Variants in RYR3 observed in about 807,000 individuals in gnomAD.
The protein encoded by RYR3 is ryanodine receptor 3.
Under a neutral mutation model 584.3 loss-of-function variants are expected in RYR3, and 207 were observed. That is an observed-to-expected ratio of 0.35 (90% confidence interval 0.32 to 0.40). The LOEUF (loss-of-function observed/expected upper bound fraction) is 0.40. Among genes scored for constraint, RYR3 ranks in the 10% least tolerant of loss-of-function variants. The pLI, the probability that RYR3 is intolerant of heterozygous loss-of-function variation, is 1.00. For missense variants in RYR3, 5,616 were observed against 6,089.2 expected (o/e 0.92, Z 2.59); for synonymous variants, 2,416 against 2,248.5 (o/e 1.07, Z -2.11).
chr15:33,435,425 T>A (rs1320729843), intron 1 of RYR3, among the ~76,000 whole-genome samples: 3 of 152,222 alleles, frequency 2.0e-5, no homozygotes, highest in Non-Finnish European at 2.9e-5. Context: ...CATTATGCTT[T>A]TTTCCAGTCA....
At chr15:33,865,062 CA>C (rs1890019807) in intron 103 of RYR3, 68 bp from the exon 104 acceptor site, 21 of 1,284,084 alleles carry the variant, frequency 1.6e-5, no homozygotes, top group Non-Finnish European at 2.4e-5. Context: ...CCACAAAGAA[CA>C]AAAACAAACT....
At chr15:33,847,278 A>C (rs539648253) in intron 93 of RYR3, 1 of 152,310 alleles carries the variant, frequency 6.6e-6, no homozygotes, top group African/African-American at 2.4e-5. Context: ...TTAAAGAAAA[A>C]CAGGGCAAGA....
At chr15:33,394,912 T>C (rs2141315004) in intron 1 of RYR3, among the ~76,000 whole-genome samples, 2 of 152,174 alleles carry the variant, frequency 1.3e-5, no homozygotes, top group East Asian at 3.9e-4. Flanking sequence ...GGACATACAG[T>C]ATAATGCCAG....
chr15:33,574,386 A>T (rs558520994), intron 12 of RYR3, among the ~76,000 whole-genome samples: 10 of 152,324 alleles, frequency 6.6e-5, no homozygotes, highest in African/African-American at 2.4e-4. Flanking sequence ...GGGAAGTTCT[A>T]TCAAATTGAG....
At chr15:33,695,948 T>A (rs933190952) in intron 38 of RYR3, among the ~76,000 whole-genome samples, 19 of 54,438 alleles carry the variant, frequency 3.5e-4, no homozygotes, top group Non-Finnish European at 6.9e-4. Context: ...CACACCCAGC[T>A]TTTTTTTTTT....
intron 1 of RYR3, among the ~76,000 whole-genome samples, chr15:33,393,497 A>G (rs190915519): frequency 2.4e-4 from 36 of 152,308 alleles, no homozygotes; most frequent in African/African-American, 8.4e-4. Context: ...CTCATATTAA[A>G]AAATAGGGGG....
chr15:33,446,419 G>A (rs1349815718), intron 1 of RYR3, among the ~76,000 whole-genome samples: 1 of 152,114 alleles, frequency 6.6e-6, no homozygotes, highest in Non-Finnish European at 1.5e-5. Context: ...AGATTGGGTG[G>A]CTTAACAGAA....
chr15:33,723,029 A>G (rs2068067032), intron 44 of RYR3, 134 bp downstream of exon 44: 1 of 785,456 alleles, frequency 1.3e-6, no homozygotes, highest in Non-Finnish European at 2.0e-6. Flanking sequence ...TTGACCCTTC[A>G]TCGAGAACAG....
chr15:33,796,643 C>G (rs1365555039), intron 67 of RYR3, among the ~76,000 whole-genome samples: 1 of 152,174 alleles, frequency 6.6e-6, no homozygotes, highest in East Asian at 1.9e-4. Context: ...AAAGTCTGGA[C>G]TTTTAGCATG....
chr15:33,795,176 C>T (rs1340478986), intron 67 of RYR3, among the ~76,000 whole-genome samples: 1 of 152,014 alleles, frequency 6.6e-6, no homozygotes, highest in Non-Finnish European at 1.5e-5. Context: ...CTGTTTTCTG[C>T]CCTGCCACAG....
At chr15:33,795,680 C>G (rs1403525159) in intron 67 of RYR3, among the ~76,000 whole-genome samples, 1 of 152,100 alleles carries the variant, frequency 6.6e-6, no homozygotes, top group African/African-American at 2.4e-5. Flanking sequence ...AGGTATGCAC[C>G]ACGACGCCTG....
chr15:33,311,826 CCT>C lies in RYR3; in HGVS notation c.51+731_51+732del, dbSNP rs1252517238. Among the ~76,000 whole-genome samples, 2 of 152,336 alleles carry C rather than the reference CCT, an allele frequency of 1.3e-5. No homozygotes were observed. The highest frequency in any genetic ancestry group is 2.1e-4 in the South Asian group (1 of 4,830). On this transcript the variant is annotated intron_variant, in intron 1 of 103. Transcript: ENST00000634891. This position sits in a 1 kb window ranked among gnomAD's most constrained non-coding sequence, Gnocchi z 4.4. ...CGTCACTCAGGTCCCCTCCTTGACA[CCT>C]GAGGGCGCTGCTCCGTCCCAGATTT...
rs1491104139 is a variant in RYR3 at position 33,794,349 on chromosome 15, A to ACATATATATGTG, written c.9830+5891_9830+5892insCATATATATGTG. Among the ~76,000 whole-genome samples the ACATATATATGTG allele has an allele frequency of 8.8e-5, 9 of 102,474 alleles. No homozygotes were observed. The South Asian group carries it at 1.3e-3, about 14-fold the overall frequency. 67.2% of individuals were successfully genotyped at this position (102,474 alleles called of 152,430 possible). Reference sequence around the variant, plus strand: ...TTTATATATGTTTATATATATAAAAATATATATATATATAAAATCTTTTCT... The same window carrying ACATATATATGTG: ...TTTATATATGTTTATATATATAAAAACATATATATGTGTATATATATATATAAAATCTTTTCT... On this transcript the variant is annotated intron_variant, in intron 67 of 103. Transcript: ENST00000634891.
chr15:33,577,380 A>G lies in RYR3; in HGVS notation c.1269-2596A>G, dbSNP rs189632155. On this transcript the variant is annotated intron_variant, in intron 12 of 103. Transcript: ENST00000634891. ...CAACTTCAAACTATGTTATAAGGCTACAGTAACCAAAACAGCATGATACTG... is the reference window on the plus strand; with the variant it reads ...CAACTTCAAACTATGTTATAAGGCTGCAGTAACCAAAACAGCATGATACTG... Among the ~76,000 whole-genome samples the G allele has an allele frequency of 3.9e-5, 6 of 152,350 alleles. No individual in the cohort carries two copies. The East Asian group carries it at 7.7e-4, about 20-fold the overall frequency.
chr15:33,415,554 G>A (rs1300132176), intron 1 of RYR3, among the ~76,000 whole-genome samples: 1 of 152,034 alleles, frequency 6.6e-6, no homozygotes, highest in Admixed American at 6.6e-5. Context: ...ATAGAGAAGT[G>A]TACCAGTGCT....
chr15:33,860,944 T>A, intron 101 of RYR3, 134 bp from the exon 102 acceptor site: 1 of 643,646 alleles, frequency 1.6e-6, no homozygotes, highest in Non-Finnish European at 2.6e-6. Flanking sequence ...ATGGCACTAC[T>A]GAGTGAATGA....
intron 1 of RYR3, among the ~76,000 whole-genome samples, chr15:33,400,601 T>G (rs2042594597): frequency 6.6e-6 from 1 of 152,192 alleles, no homozygotes; most frequent in South Asian, 2.1e-4. Context: ...TCATGGAGAC[T>G]TTCTTCCTTC....
intron 91 of RYR3, 123 bp from the exon 92 acceptor site, chr15:33,843,365 G>A (rs2078503253): frequency 3.1e-6 from 2 of 652,370 alleles, no homozygotes; most frequent in South Asian, 1.8e-5. Flanking sequence ...TAGAAGAGTG[G>A]TCATCAAAGA....
chr15:33,754,800 G>A (rs760197808), intron 57 of RYR3, among the ~76,000 whole-genome samples: 7 of 151,930 alleles, frequency 4.6e-5, no homozygotes, highest in Non-Finnish European at 1.0e-4. Context: ...AATTCTTTCC[G>A]TAAGAGCAGA....
Sources: gnomAD v4.1 joint callset for allele counts (sites outside exome capture counted in the v4.1 genomes callset) on GRCh38, gnomAD v4.1.1 for gene constraint, Gnocchi (gnomAD v3.1) non-coding constraint, MANE v1.5 for transcripts, NCBI Gene and HGNC (gene_info 2026-07-23, HGNC 2026-07-21) for gene names.